Variants in NEMF observed in about 807,000 individuals in gnomAD.
NEMF encodes the protein ribosome quality control complex subunit NEMF.
NEMF carries 89 observed loss-of-function variants against 162.2 expected under a neutral mutation model. The observed-to-expected ratio is 0.55, with a 90% confidence interval of 0.46 to 0.65. The LOEUF (loss-of-function observed/expected upper bound fraction) is 0.65, where lower values mean the gene tolerates loss of function less well. NEMF is among the 30% of genes least tolerant of loss of function. The pLI, the probability that NEMF is intolerant of heterozygous loss-of-function variation, is 0.00. For synonymous variants in NEMF, 421 were observed against 404.5 expected (o/e 1.04, Z -0.49); for missense variants, 1,133 against 1,261.9 (o/e 0.90, Z 1.55).
Position 49,785,075 on chromosome 14 carries a change from AAAAC to A in NEMF, c.3073+13_3073+16del. The stretch of plus-strand genomic sequence containing the variant: ...GAACTGTTTAAAATCATAATTCAAA[AAAAC>A]AAATTTAAATACCTTTTCCCTTTTT... On this transcript the variant is annotated intron_variant, in intron 31 of 32. Transcript: ENST00000298310. 1 of 1,608,276 alleles carries A rather than the reference AAAAC, an allele frequency of 6.2e-7. No individual in the cohort carries two copies. Among genetic ancestry groups the A allele is most frequent in the Admixed American group, 1.7e-5 (1 of 59,856 alleles).
Position 49,782,706 on chromosome 14 carries a change from C to T in NEMF, c.*1930G>A. Reference sequence around the variant, plus strand: ...ATTTAAGGGCAATAAAACTTCATTGCTATAACCAGTTCCTATGAAAATCTT... The same window carrying T: ...ATTTAAGGGCAATAAAACTTCATTGTTATAACCAGTTCCTATGAAAATCTT... On this transcript the variant is annotated 3_prime_UTR_variant, in exon 33 of 33. Transcript: ENST00000298310. The T allele has an allele frequency of 2.9e-6, 4 of 1,378,754 alleles. No homozygotes were observed. Among genetic ancestry groups the T allele is most frequent in the Middle Eastern group, 2.3e-4 (1 of 4,354 alleles). The allele number at this position is 1,378,754 out of a possible 1,614,324, so 85.4% of individuals were successfully genotyped here.
intron 1 of NEMF, 37 bp downstream of exon 1, chr14:49,852,658 A>G: frequency 6.2e-7 from 1 of 1,610,310 alleles, no homozygotes; most frequent in Middle Eastern, 1.7e-4. Context: ...TGCCTCCTGC[A>G]CTCCCCACAC....
rs1890001911 is a variant in NEMF at position 49,783,315 on chromosome 14, G to C, written c.*1321C>G. On this transcript the variant is annotated 3_prime_UTR_variant, in exon 33 of 33. Coordinates refer to ENST00000298310, the MANE Select transcript of NEMF (RefSeq NM_004713.6). ...ATTATAGATTTTTTTTTTTTTAATGGCAAGAGTAGTCTATAGTTATGTAAC... is the reference window on the plus strand; with the variant it reads ...ATTATAGATTTTTTTTTTTTTAATGCCAAGAGTAGTCTATAGTTATGTAAC... 2 of 156,000 alleles carry C rather than the reference G, an allele frequency of 1.3e-5. No individual in the cohort carries two copies. Among genetic ancestry groups the C allele is most frequent in the Admixed American group, 6.5e-5 (1 of 15,310 alleles). The allele number at this position is 156,000 out of a possible 1,614,324, so 9.7% of individuals were successfully genotyped here. A position where few individuals can be genotyped will look rare whatever the true frequency, so the allele number is the denominator to read the frequency against.
At chr14:49,843,801 TACA>T (rs1594805759) in intron 4 of NEMF, among the ~76,000 whole-genome samples, 1 of 152,274 alleles carries the variant, frequency 6.6e-6, no homozygotes, top group East Asian at 1.9e-4. Context: ...AATATGGTAT[TACA>T]ACAACAGTTC....
chr14:49,836,354 T>G (rs1300377138), intron 6 of NEMF, among the ~76,000 whole-genome samples: 1 of 151,934 alleles, frequency 6.6e-6, no homozygotes, highest in Non-Finnish European at 1.5e-5. Flanking sequence ...AACTCTAAAT[T>G]TTATAAGGAA....
intron 15 of NEMF, among the ~76,000 whole-genome samples, chr14:49,827,425 G>A (rs1474252745): frequency 6.6e-6 from 1 of 151,994 alleles, no homozygotes. Context: ...GGCTTCAAGC[G>A]ATCCACCGGC....
intron 3 of NEMF, among the ~76,000 whole-genome samples, chr14:49,849,211 T>C (rs1893656974): frequency 6.6e-6 from 1 of 152,168 alleles, no homozygotes; most frequent in Admixed American, 6.5e-5. Flanking sequence ...AATCAGTTCT[T>C]CCAGAGTCCC....
rs745498098 is a variant in NEMF, at chr14:49,795,852, T to C, written c.2558A>G (p.Glu853Gly). 3 of 1,613,678 alleles carry C rather than the reference T, an allele frequency of 1.9e-6. No homozygotes were observed. In the South Asian group the frequency reaches 3.3e-5, roughly 18 times the overall value. Residue 853 changes from glutamate to glycine, a missense_variant, in exon 26 of 33, where the codon GAA becomes GGA. Glu to Gly is a moderately conservative substitution (Grantham distance 98, BLOSUM62 -2). Around this residue, in one of 3 missense-constraint regions of NEMF, gnomAD observed 532 missense variants for 578.6 expected, o/e 0.92. Coordinates refer to ENST00000298310, the MANE Select transcript of NEMF (RefSeq NM_004713.6). ...DKEKESTVHI[E>G]THQNTSKNVA... ...ATTTTTGCTTGTGTTCTGATGAGTT[T>C]CAATGTGTACAGTACTTTCTTTTTC...
chr14:49,800,708 T>C lies in NEMF; in HGVS notation c.2096-12A>G, dbSNP rs757926913. 2.5e-6 allele frequency: 4 copies of C among 1,603,658 alleles called. No homozygotes were observed. Among genetic ancestry groups the C allele is most frequent in the Non-Finnish European group, 3.4e-6 (4 of 1,173,042 alleles). On this transcript the variant is annotated splice_polypyrimidine_tract_variant and intron_variant, in intron 22 of 32. Transcript: ENST00000298310. ...CGTGTCACCTCCATCTGTAGAATTATCATAAGGAAAGTCAGTGTGGGACTA... is the reference window on the plus strand; with the variant it reads ...CGTGTCACCTCCATCTGTAGAATTACCATAAGGAAAGTCAGTGTGGGACTA...
At chr14:49,806,681 G>T (rs753779878) in intron 18 of NEMF, among the ~76,000 whole-genome samples, 1 of 151,862 alleles carries the variant, frequency 6.6e-6, no homozygotes, top group Non-Finnish European at 1.5e-5. Context: ...AATGACCTAC[G>T]TAAATAAAAC....
chr14:49,806,347 C>T (rs551220472), intron 18 of NEMF, among the ~76,000 whole-genome samples: 10 of 144,234 alleles, frequency 6.9e-5, no homozygotes, highest in African/African-American at 2.1e-4. Context: ...CTGCAACCTC[C>T]GCCTCCCGGG....
intron 16 of NEMF, among the ~76,000 whole-genome samples, chr14:49,825,248 T>C (rs1258565355): frequency 6.6e-6 from 1 of 152,200 alleles, no homozygotes; most frequent in Admixed American, 6.5e-5. Context: ...ACTGTGTGTG[T>C]ATGTAATGGA....
At chr14:49,806,468 G>T (rs1220873728) in intron 18 of NEMF, among the ~76,000 whole-genome samples, 1 of 150,022 alleles carries the variant, frequency 6.7e-6, no homozygotes, top group African/African-American at 2.4e-5. Flanking sequence ...CACCATCTTG[G>T]TCAGGCTGGT....
intron 18 of NEMF, among the ~76,000 whole-genome samples, chr14:49,811,123 C>T (rs911609351): frequency 6.6e-6 from 1 of 152,132 alleles, no homozygotes; most frequent in Non-Finnish European, 1.5e-5. Context: ...GTCTTTAATT[C>T]CTTAAAATAA....
At position 49,784,359 on chromosome 14, in the gene NEMF, T is replaced by C. The variant is rs1016419198; in HGVS notation, c.*277A>G. On this transcript the variant is annotated 3_prime_UTR_variant, in exon 33 of 33. Coordinates refer to ENST00000298310, the MANE Select transcript of NEMF (RefSeq NM_004713.6). The stretch of plus-strand genomic sequence containing the variant: ...ACATCATGAAATGAATACTTGGTAT[T>C]AACCTCCCAAATTTCAAGAAAATGT... 4 of 292,340 alleles carry C rather than the reference T, an allele frequency of 1.4e-5. No individual in the cohort carries two copies. Among genetic ancestry groups the C allele is most frequent in the Non-Finnish European group, 2.5e-5 (4 of 157,462 alleles). The allele number at this position is 292,340 out of a possible 1,614,324, so 18.1% of individuals were successfully genotyped here. A position where few individuals can be genotyped will look rare whatever the true frequency, so the allele number is the denominator to read the frequency against.
chr14:49,842,755 C>T (rs1893278082), intron 4 of NEMF, among the ~76,000 whole-genome samples: 1 of 152,122 alleles, frequency 6.6e-6, no homozygotes, highest in South Asian at 2.1e-4. Flanking sequence ...GCCTGTAATC[C>T]CAGCACTTTG....
At chr14:49,806,232 G>GTACA in intron 18 of NEMF, 99 bp from the exon 19 acceptor site, 1 of 36,136 alleles carries the variant, frequency 2.8e-5, no homozygotes, top group Non-Finnish European at 5.1e-5. Context: ...AATGATATGT[G>GTACA]TATATATATA....
Position 49,782,652 on chromosome 14 carries a change from G to GA in NEMF, c.*1983_*1984insT. 2 of 1,445,320 alleles carry GA rather than the reference G, an allele frequency of 1.4e-6. No homozygotes were observed. Among genetic ancestry groups the GA allele is most frequent in the Non-Finnish European group, 1.9e-6 (2 of 1,056,340 alleles). The allele number at this position is 1,445,320 out of a possible 1,614,324, so 89.5% of individuals were successfully genotyped here. A position where few individuals can be genotyped will look rare whatever the true frequency, so the allele number is the denominator to read the frequency against. On this transcript the variant is annotated 3_prime_UTR_variant, in exon 33 of 33. Transcript: ENST00000298310. ...TTAAAATTGTGTTTCCTAAGACTTA[G>GA]CACTCTCGAAAAACTAGGTTTATGG...
At chr14:49,805,398 C>A (rs1566664413) in intron 19 of NEMF, among the ~76,000 whole-genome samples, 1 of 151,948 alleles carries the variant, frequency 6.6e-6, no homozygotes, top group African/African-American at 2.4e-5. Context: ...CACCATGGCT[C>A]ATGCCTGTAA....
Sources: allele counts gnomAD v4.1 joint callset (sites outside exome capture counted in the v4.1 genomes callset), GRCh38; gene constraint gnomAD v4.1.1; regional missense constraint gnomAD v4.1.1; transcripts MANE v1.5; gene names NCBI Gene and HGNC (gene_info 2026-07-23, HGNC 2026-07-21).